CNTN5: variants seen among roughly 807,000 people sequenced by gnomAD.
CNTN5 encodes the protein contactin-5.
CNTN5 carries 77 observed loss-of-function variants against 129.1 expected under a neutral mutation model. The observed-to-expected ratio is 0.60, with a 90% confidence interval of 0.50 to 0.72. CNTN5 has a LOEUF of 0.72. CNTN5 is among the 30% of genes least tolerant of loss of function. The pLI is 0.00. For missense variants in CNTN5, 1,478 were observed against 1,328.8 expected, an observed-to-expected ratio of 1.11 and a Z score of -1.75; for synonymous variants, 509 against 465.6, an observed-to-expected ratio of 1.09 and a Z score of -1.20.
intron 2 of CNTN5, among the ~76,000 whole-genome samples, chr11:99,342,774 C>T (rs1866581853): frequency 6.6e-6 from 1 of 151,186 alleles, no homozygotes; most frequent in Non-Finnish European, 1.5e-5. Context: ...GATATTAGTG[C>T]CCAAATTCAA....
At chr11:99,221,095 G>A (rs1860376022) in intron 1 of CNTN5, among the ~76,000 whole-genome samples, 1 of 151,760 alleles carries the variant, frequency 6.6e-6, no homozygotes, top group Non-Finnish European at 1.5e-5. Flanking sequence ...AAGATCCAGA[G>A]GGTTAAACAC....
In CNTN5 at chr11:100,356,921, A is replaced by T. The variant is rs551121670; in HGVS notation, c.*701A>T. 7 of 151,900 alleles carry T rather than the reference A, an allele frequency of 4.6e-5. No homozygotes were observed. The East Asian group carries it at 1.4e-3, about 29-fold the overall frequency. The allele number at this position is 151,900 out of a possible 1,614,324, so 9.4% of individuals were successfully genotyped here. A position where few individuals can be genotyped will look rare whatever the true frequency, so the allele number is the denominator to read the frequency against. On this transcript the variant is annotated 3_prime_UTR_variant, in exon 25 of 25. Transcript: ENST00000524871. ...GAATTTCAGTGCTATAGTTTTTCAT[A>T]AAGTACTATGTTATCTAGCAGCAAA... is the stretch of plus-strand genomic sequence containing the variant.
chr11:100,269,644 G>T (rs1950372348), intron 17 of CNTN5, among the ~76,000 whole-genome samples: 1 of 152,108 alleles, frequency 6.6e-6, no homozygotes, highest in Non-Finnish European at 1.5e-5. Context: ...GTATATAGGG[G>T]ATTTTGCTAA....
In CNTN5 at chr11:99,086,958, T is replaced by G. The variant is rs72984334; in HGVS notation, c.-210+65688T>G. 2.9e-3 allele frequency among the ~76,000 whole-genome samples: 443 copies of G among 152,328 alleles called. 1 individual carries two copies. The highest frequency in any genetic ancestry group is 7.4e-3 in the Admixed American group (114 of 15,304). Reference sequence around the variant, plus strand: ...GTGGTAGCATTACTTTTGTCCCTATTTCATAGATGAAGAAAATGGAGGGTT... The same window carrying G: ...GTGGTAGCATTACTTTTGTCCCTATGTCATAGATGAAGAAAATGGAGGGTT... On this transcript the variant is annotated intron_variant, in intron 1 of 24. Coordinates refer to ENST00000524871, the MANE Select transcript of CNTN5 (RefSeq NM_014361.4).
At chr11:99,957,101 TTACAAA>T (rs1007289509) in intron 8 of CNTN5, 92 bp downstream of exon 8, 7 of 1,108,258 alleles carry the variant, frequency 6.3e-6, no homozygotes, top group Non-Finnish European at 8.9e-6. Flanking sequence ...GACCTGGAAC[TTACAAA>T]TAAAATAAAA....
At chr11:100,018,297 T>C (rs1940942471) in intron 9 of CNTN5, among the ~76,000 whole-genome samples, 1 of 151,884 alleles carries the variant, frequency 6.6e-6, no homozygotes, top group African/African-American at 2.4e-5. Flanking sequence ...ACACTTATAA[T>C]CTCTTCCTCC....
intron 6 of CNTN5, among the ~76,000 whole-genome samples, chr11:99,870,999 C>T (rs1182759051): frequency 1.3e-5 from 2 of 151,952 alleles, no homozygotes; most frequent in African/African-American, 2.4e-5. Flanking sequence ...GCATATATTG[C>T]CTTAAAAACA....
At chr11:100,202,843 C>T (rs1413640500) in intron 15 of CNTN5, among the ~76,000 whole-genome samples, 1 of 151,880 alleles carries the variant, frequency 6.6e-6, no homozygotes, top group Non-Finnish European at 1.5e-5. Flanking sequence ...GCAACACAGG[C>T]CCATTTACGC....
chr11:100,022,922 G>GT lies in CNTN5; in HGVS notation c.980+20794dup, dbSNP rs973378141. Among the ~76,000 whole-genome samples, 25 of 151,750 alleles carry GT rather than the reference G, an allele frequency of 1.6e-4. 1 individual carries two copies. Among genetic ancestry groups the GT allele is most frequent in the African/African-American group, 3.9e-4 (16 of 41,378 alleles). ...TATCTGTTCCTGAGTATATAATGTG[G>GT]TTTTTTTTCTCTGACTGCTTTCAAG... On this transcript the variant is annotated intron_variant, in intron 9 of 24. Transcript: ENST00000524871.
intron 13 of CNTN5, among the ~76,000 whole-genome samples, chr11:100,087,744 A>G (rs1944611085): frequency 6.6e-6 from 1 of 151,910 alleles, no homozygotes; most frequent in Admixed American, 6.6e-5. Context: ...TAATTTAAAA[A>G]TTCTGGACTT....
intron 1 of CNTN5, among the ~76,000 whole-genome samples, chr11:99,095,720 T>C (rs76801792): frequency 0.033 from 4,973 of 151,682 alleles, 117 homozygotes; most frequent in South Asian, 0.069. Context: ...AGAGGGTGAA[T>C]TAACAAATGA....
chr11:99,976,267 G>C (rs1424999788), intron 8 of CNTN5, among the ~76,000 whole-genome samples: 5 of 152,308 alleles, frequency 3.3e-5, no homozygotes, highest in Admixed American at 6.5e-5. Context: ...TCACAGGCTG[G>C]CATTAAGTAC....
chr11:99,134,678 T>G (rs1299647694), intron 1 of CNTN5, among the ~76,000 whole-genome samples: 1 of 148,986 alleles, frequency 6.7e-6, no homozygotes, highest in Non-Finnish European at 1.5e-5. Context: ...TGATGAGTTA[T>G]AGGTAAATTA....
chr11:99,414,623 G>A (rs1205661520), intron 2 of CNTN5, among the ~76,000 whole-genome samples: 2 of 152,090 alleles, frequency 1.3e-5, no homozygotes, highest in Admixed American at 6.6e-5. Context: ...ATAGGGGTAT[G>A]GGAGGGATGT....
At chr11:99,203,536 T>G (rs1859322667) in intron 1 of CNTN5, among the ~76,000 whole-genome samples, 2 of 152,160 alleles carry the variant, frequency 1.3e-5, no homozygotes, top group African/African-American at 4.8e-5. Context: ...GATCTCATTA[T>G]AAAGGCAATA....
chr11:99,097,145 G>A (rs995185926), intron 1 of CNTN5, among the ~76,000 whole-genome samples: 1 of 151,806 alleles, frequency 6.6e-6, no homozygotes, highest in African/African-American at 2.4e-5. Context: ...ATATCATAAA[G>A]AAAACCACTG....
intron 9 of CNTN5, among the ~76,000 whole-genome samples, chr11:100,006,805 A>G (rs979983564): frequency 5.9e-5 from 9 of 152,074 alleles, no homozygotes; most frequent in East Asian, 3.9e-4. Flanking sequence ...AAGGTTTACA[A>G]TTTACTTTGC....
intron 10 of CNTN5, among the ~76,000 whole-genome samples, chr11:100,068,664 C>T (rs1321401758): frequency 2.0e-5 from 3 of 152,112 alleles, no homozygotes; most frequent in South Asian, 2.1e-4. Context: ...AGATGATTTC[C>T]GAAGGCAGGT....
intron 1 of CNTN5, among the ~76,000 whole-genome samples, chr11:99,283,920 A>G (rs1026873747): frequency 2.6e-5 from 4 of 152,142 alleles, no homozygotes; most frequent in Non-Finnish European, 5.9e-5. Context: ...GCCTCATACG[A>G]GCAGTACATT....
Sources: allele counts gnomAD v4.1 joint callset (sites outside exome capture counted in the v4.1 genomes callset), GRCh38; gene constraint gnomAD v4.1.1; transcripts MANE v1.5; gene names NCBI Gene and HGNC (gene_info 2026-07-23, HGNC 2026-07-21).